WAS: variants seen among roughly 807,000 people sequenced by gnomAD.
The protein encoded by WAS is actin nucleation-promoting factor WAS.
In WAS, 1 loss-of-function variant was observed where a neutral mutation model predicts 38.9. The ratio of observed to expected loss-of-function variants is 0.03; its 90% confidence interval spans 0.01 to 0.12. The LOEUF is 0.12. Among genes scored for constraint, WAS ranks in the 10% least tolerant of loss-of-function variants. The pLI, the probability that WAS is intolerant of heterozygous loss-of-function variation, is 1.00. For synonymous variants in WAS, 182 were observed against 173.6 expected (o/e 1.05, Z -0.38); for missense variants, 311 against 431.2 (o/e 0.72, Z 2.47).
chrX:48,679,115 G>A (rs1325473549), upstream of WAS, among the ~76,000 whole-genome samples: 2 of 108,579 alleles, frequency 1.8e-5, no homozygotes, highest in East Asian at 5.8e-4. Context: ...CTGCAGCCTC[G>A]ATTTCCTAGG....
rs186722885 is a variant in WAS at position 48,687,936 on chromosome X, A to C, written c.735-118A>C. The C allele has an allele frequency of 9.5e-4, 706 of 744,466 alleles. 3 individuals carry two copies. The highest frequency in any genetic ancestry group is 1.3e-3 in the Non-Finnish European group (649 of 489,013). The allele number at this position is 744,466 out of a possible 1,213,427, so 61.4% of individuals were successfully genotyped here. A position where few individuals can be genotyped will look rare whatever the true frequency, so the allele number is the denominator to read the frequency against. On this transcript the variant is annotated intron_variant, in intron 7 of 11. Transcript: ENST00000376701. ...TATACTCATTCACTCATTCAGTCTC[A>C]TTCATTAATTCTGGCCCCTCAGAGT...
chrX:48,682,141 A>C (rs1246522629), upstream of WAS, among the ~76,000 whole-genome samples: 1 of 112,118 alleles, frequency 8.9e-6, no homozygotes, highest in African/African-American at 3.2e-5. Context: ...CCCGTCTGAG[A>C]GTCTGCATGC....
upstream of WAS, among the ~76,000 whole-genome samples, chrX:48,681,321 C>T (rs2062400118): frequency 2.7e-5 from 3 of 111,699 alleles, no homozygotes; most frequent in South Asian, 1.1e-3. Context: ...CAGGTGTGCA[C>T]CACCACACCA....
At position 48,685,831 on chromosome X, in the gene WAS, G is replaced by T. The variant is rs1557006588; in HGVS notation, c.458G>T (p.Ser153Ile). Residue 153 changes from serine to isoleucine, a missense_variant, in exon 4 of 12, where the codon AGT becomes ATT. Ser to Ile is a moderately radical substitution (Grantham distance 142). Around this residue, in one of 4 missense-constraint regions of WAS, gnomAD observed 31 missense variants for 20.1 expected, o/e 1.55. Transcript: ENST00000376701. ...ATACAAAAAAGGAATCAGAGGCAAA[G>T]TGGAGGTGAGGAGGCCACAGGGGAG... ...EKIQKRNQRQ[S>I]GDRRQLPPPP... is the part of the protein sequence containing the mutation. The T allele has an allele frequency of 2.5e-6, 3 of 1,200,357 alleles. No individual in the cohort carries two copies. The highest frequency in any genetic ancestry group is 3.4e-6 in the Non-Finnish European group (3 of 889,470).
Position 48,686,778 on chromosome X carries a change from C to T in WAS, c.560-3C>T. 1 of 1,210,947 alleles carries T rather than the reference C, an allele frequency of 8.3e-7. No individual in the cohort carries two copies. The highest frequency in any genetic ancestry group is 1.1e-6 in the Non-Finnish European group (1 of 895,386). On this transcript the variant is annotated splice_polypyrimidine_tract_variant and splice_region_variant and intron_variant, in intron 6 of 11. Coordinates refer to ENST00000376701, the MANE Select transcript of WAS (RefSeq NM_000377.3). ...TGAGCCAACCACCCTATTTTCCCCA[C>T]AGGCCCTCCAGTGGGTCCGCTCTCC...
rs1557007774 is a variant in WAS, at chrX:48,691,291, C to T, written c.*129C>T. On this transcript the variant is annotated 3_prime_UTR_variant, in exon 12 of 12. Transcript: ENST00000376701. ...CCCCATTTCTTCCCCACCAACCCCT[C>T]CAATGCTGTTATCCCTGCCTGGTCC... 1.6e-6 allele frequency: 1 copy of T among 612,333 alleles called. No individual in the cohort carries two copies. Among genetic ancestry groups the T allele is most frequent in the Non-Finnish European group, 2.7e-6 (1 of 375,555 alleles). The allele number at this position is 612,333 out of a possible 1,213,427, so 50.5% of individuals were successfully genotyped here. A position where few individuals can be genotyped will look rare whatever the true frequency, so the allele number is the denominator to read the frequency against.
At chrX:48,688,154 C>T in intron 8 of WAS, 58 bp downstream of exon 8, 1 of 1,164,149 alleles carries the variant, frequency 8.6e-7, no homozygotes, top group Admixed American at 2.4e-5. Flanking sequence ...CTTCCAAAGA[C>T]CACTGCTGAG....
At chrX:48,686,046 G>A in intron 5 of WAS, 35 bp from the exon 6 acceptor site, 1 of 1,211,344 alleles carries the variant, frequency 8.3e-7, no homozygotes. Context: ...CTGTGGCAGG[G>A]CTGTGATAAC....
chrX:48,685,222 T>C (rs2147263478), intron 2 of WAS, among the ~76,000 whole-genome samples: 1 of 110,725 alleles, frequency 9.0e-6, no homozygotes, highest in African/African-American at 3.3e-5. Flanking sequence ...GGGGCTGGGG[T>C]GGTGGGGGAG....
chrX:48,681,449 G>A (rs1385848392), upstream of WAS, among the ~76,000 whole-genome samples: 4 of 112,444 alleles, frequency 3.6e-5, no homozygotes, highest in Non-Finnish European at 3.8e-5. Flanking sequence ...GATTACAGGC[G>A]TAAGCCACCG....
At chrX:48,686,725 T>C in intron 6 of WAS, 56 bp from the exon 7 acceptor site, 1 of 1,186,055 alleles carries the variant, frequency 8.4e-7, no homozygotes, top group African/African-American at 1.7e-5. Flanking sequence ...CTTGCCCCTG[T>C]GCTTTGGTTG....
intron 2 of WAS, 112 bp from the exon 3 acceptor site, chrX:48,685,435 C>G: frequency 1.7e-6 from 1 of 574,670 alleles, no homozygotes; most frequent in Non-Finnish European, 2.9e-6. Context: ...ATCTCCAAAC[C>G]AGACTATGAG....
At chrX:48,679,601 T>C (rs1281526642), upstream of WAS, among the ~76,000 whole-genome samples, 1 of 109,980 alleles carries the variant, frequency 9.1e-6, no homozygotes, top group East Asian at 2.9e-4. Flanking sequence ...CTGGGCAACA[T>C]AGTGAGACCC....
intron 1 of WAS, chrX:48,676,803 C>T (rs1456861416): frequency 1.8e-5 from 2 of 112,788 alleles, no homozygotes; most frequent in Admixed American, 1.9e-4. Context: ...TGGACGCTTC[C>T]GTGCGCGCGT....
Position 48,688,374 on chromosome X carries a change from C to T in WAS, c.852C>T (p.Ala284=), listed in dbSNP as rs1557007037. The T allele has an allele frequency of 1.7e-6, 2 of 1,210,855 alleles. No homozygotes were observed. The highest frequency in any genetic ancestry group is 1.8e-5 in the South Asian group (1 of 56,657). ...TCAGCGAGGCCCAGCTCACCGACGC[C>T]GAGACCTCTAAACTTATCTACGACT... ...AGISEAQLTD[A]ETSKLIYDFI... is the part of the protein sequence containing the mutation. Residue 284 remains alanine (A), a synonymous_variant, in exon 9 of 12, where the codon GCC becomes GCT. Coordinates refer to ENST00000376701, the MANE Select transcript of WAS (RefSeq NM_000377.3).
upstream of WAS, among the ~76,000 whole-genome samples, chrX:48,682,096 A>ATAACTTCT (rs2062402079): frequency 8.9e-6 from 1 of 111,928 alleles, no homozygotes; most frequent in Admixed American, 9.5e-5. Flanking sequence ...CATCTGGAGA[A>ATAACTTCT]GTTAGAGACA....
Position 48,685,995 on chromosome X carries a change from C to A in WAS, c.505+8C>A. 1.7e-6 allele frequency: 2 copies of A among 1,211,724 alleles called. No individual in the cohort carries two copies. The highest frequency in any genetic ancestry group is 2.2e-6 in the Non-Finnish European group (2 of 895,370). ...CAACACCAGCCAATGAAGGTGAGTC[C>A]TCTAGTGCAAGTAGGGGTAATAAGG... is the stretch of plus-strand genomic sequence containing the variant. On this transcript the variant is annotated splice_region_variant and intron_variant, in intron 5 of 11. Coordinates refer to ENST00000376701, the MANE Select transcript of WAS (RefSeq NM_000377.3).
In WAS at chrX:48,688,425, G is replaced by C. The variant is rs781898144; in HGVS notation, c.903G>C (p.Glu301Asp). The C allele has an allele frequency of 8.9e-5, 107 of 1,208,977 alleles. No homozygotes were observed. The highest frequency in any genetic ancestry group is 3.7e-4 in the Admixed American group (17 of 45,694). ...TCATTGAGGACCAGGGTGGGCTGGAGGCTGTGCGGCAGGAGATGAGGCGCC... is the reference window on the plus strand; with the variant it reads ...TCATTGAGGACCAGGGTGGGCTGGACGCTGTGCGGCAGGAGATGAGGCGCC... ...YDFIEDQGGL[E>D]AVRQEMRRQE... Residue 301 changes from glutamate (E) to aspartate (D), a missense_variant, in exon 9 of 12, where the codon GAG becomes GAC. Coordinates refer to ENST00000376701, the MANE Select transcript of WAS (RefSeq NM_000377.3).
At position 48,688,777 on chromosome X, in the gene WAS, C is replaced by T. The variant is rs1307143057; in HGVS notation, c.1049C>T (p.Ala350Val). 13 of 1,132,734 alleles carry T rather than the reference C, an allele frequency of 1.1e-5. No homozygotes were observed. The highest frequency in any genetic ancestry group is 1.5e-5 in the Non-Finnish European group (13 of 850,953). The allele number at this position is 1,132,734 out of a possible 1,213,427, so 93.3% of individuals were successfully genotyped here. ...CTGCCCCCTGTACCTTTGGGGATTGCCCCACCCCCACCAACACCCCGGGGA... is the reference window on the plus strand; with the variant it reads ...CTGCCCCCTGTACCTTTGGGGATTGTCCCACCCCCACCAACACCCCGGGGA... ...GPLPPVPLGI[A>V]PPPPTPRGPP... is the part of the protein sequence containing the mutation. The change falls in exon 10 of 12, where the codon GCC becomes GTC. Residue 350 changes from alanine to valine, a missense_variant. By Grantham distance (64) the Ala-to-Val change is moderately conservative. Around this residue, in one of 4 missense-constraint regions of WAS, gnomAD observed 142 missense variants for 157.6 expected, o/e 0.90. Coordinates refer to ENST00000376701, the MANE Select transcript of WAS (RefSeq NM_000377.3).
Sources: gnomAD v4.1 joint callset for allele counts (sites outside exome capture counted in the v4.1 genomes callset) on GRCh38, gnomAD v4.1.1 for gene constraint, gnomAD v4.1.1 regional missense constraint, MANE v1.5 for transcripts, NCBI Gene and HGNC (gene_info 2026-07-23, HGNC 2026-07-21) for gene names.